The following IL1RAPL1 variants were observed in gnomAD, a reference collection of about 807,000 sequenced individuals.
IL1RAPL1 encodes the protein interleukin 1 receptor accessory protein like 1.
Under a neutral mutation model 48.4 loss-of-function variants are expected in IL1RAPL1, and 3 were observed. That is an observed-to-expected ratio of 0.06 (90% confidence interval 0.03 to 0.16). The LOEUF (loss-of-function observed/expected upper bound fraction) is 0.16, where lower values mean the gene tolerates loss of function less well. IL1RAPL1 is among the 10% of genes least tolerant of loss of function. The pLI, the probability that IL1RAPL1 is intolerant of heterozygous loss-of-function variation, is 1.00. For missense variants in IL1RAPL1, 349 were observed against 530.6 expected, an observed-to-expected ratio of 0.66 and a Z score of 3.36; for synonymous variants, 185 against 187.7, an observed-to-expected ratio of 0.99 and a Z score of 0.12.
At chrX:28,679,143 G>T (rs1372091001) in intron 1 of IL1RAPL1, among the ~76,000 whole-genome samples, 6 of 111,963 alleles carry the variant, frequency 5.4e-5, no homozygotes, top group Non-Finnish European at 9.4e-5. Flanking sequence ...ACAAGTGTGA[G>T]GTGATATCTC....
At chrX:29,559,555 G>A (rs757851356) in intron 5 of IL1RAPL1, among the ~76,000 whole-genome samples, 2 of 111,417 alleles carry the variant, frequency 1.8e-5, no homozygotes, top group Non-Finnish European at 1.9e-5. Flanking sequence ...TTCAGTCTTG[G>A]TAGGCTATAT....
intron 9 of IL1RAPL1, 55 bp downstream of exon 9, chrX:29,941,849 CT>C: frequency 8.9e-7 from 1 of 1,126,455 alleles, no homozygotes; most frequent in Non-Finnish European, 1.2e-6. Flanking sequence ...TCTTTCTTGT[CT>C]TTGTTTTATT....
At chrX:29,684,570 G>T (rs1461355289) in intron 6 of IL1RAPL1, among the ~76,000 whole-genome samples, 9 of 111,374 alleles carry the variant, frequency 8.1e-5, no homozygotes, top group African/African-American at 2.9e-4. Context: ...TCTTGAATCT[G>T]CTTCTGTTCA....
intron 2 of IL1RAPL1, among the ~76,000 whole-genome samples, chrX:28,794,358 C>T (rs961743430): frequency 3.6e-5 from 4 of 111,185 alleles, no homozygotes; most frequent in Non-Finnish European, 7.6e-5. Flanking sequence ...TGTCATTGTG[C>T]AGAATTTTGA....
At chrX:28,766,001 T>C (rs1457317531) in intron 1 of IL1RAPL1, among the ~76,000 whole-genome samples, 1 of 111,775 alleles carries the variant, frequency 8.9e-6, no homozygotes, top group Non-Finnish European at 1.9e-5. Flanking sequence ...ACCACCAAAG[T>C]GTAGCATGTC....
intron 3 of IL1RAPL1, among the ~76,000 whole-genome samples, chrX:29,290,732 C>T (rs1469593372): frequency 9.0e-6 from 1 of 111,634 alleles, no homozygotes; most frequent in Non-Finnish European, 1.9e-5. Context: ...ACAGGGTTGG[C>T]TGAGCCTGTT....
In IL1RAPL1 at chrX:28,997,382, T is replaced by A. The variant is rs146122544; in HGVS notation, c.82+207957T>A. 8.7e-3 allele frequency among the ~76,000 whole-genome samples: 971 copies of A among 111,758 alleles called. 13 individuals carry two copies. Among genetic ancestry groups the A allele is most frequent in the African/African-American group, 0.03 (916 of 30,763 alleles). ...TAGTAAGATAACTCTATGTTGGTGA[T>A]ATTCAGTGTATAGTTTTCCAGAGCT... On this transcript the variant is annotated intron_variant, in intron 2 of 10. Coordinates refer to ENST00000378993, the MANE Select transcript of IL1RAPL1 (RefSeq NM_014271.4).
chrX:29,802,799 A>ATGTATACATGTATG (rs1569172778), intron 6 of IL1RAPL1, among the ~76,000 whole-genome samples: 1 of 48,222 alleles, frequency 2.1e-5, no homozygotes, highest in Non-Finnish European at 3.4e-5. Context: ...GTGTATATAT[A>ATGTATACATGTATG]TATATATATA....
chrX:29,379,324 A>C (rs1011390494), intron 3 of IL1RAPL1, among the ~76,000 whole-genome samples: 3 of 112,210 alleles, frequency 2.7e-5, no homozygotes, highest in African/African-American at 9.7e-5. Context: ...TGCGAAGTAG[A>C]CATACCCTAG....
intron 2 of IL1RAPL1, among the ~76,000 whole-genome samples, chrX:28,941,371 G>A (rs1413183118): frequency 9.0e-6 from 1 of 110,898 alleles, no homozygotes; most frequent in Non-Finnish European, 1.9e-5. Flanking sequence ...TGGATGAAAT[G>A]GGTAAATAAA....
intron 2 of IL1RAPL1, among the ~76,000 whole-genome samples, chrX:28,830,707 A>G (rs1484420532): frequency 9.1e-6 from 1 of 110,158 alleles, no homozygotes; most frequent in Non-Finnish European, 1.9e-5. Flanking sequence ...ATACTTTTCT[A>G]TTTTGTGTGT....
At chrX:29,119,563 T>A (rs1387407931) in intron 2 of IL1RAPL1, among the ~76,000 whole-genome samples, 1 of 111,658 alleles carries the variant, frequency 9.0e-6, no homozygotes, top group African/African-American at 3.3e-5. Context: ...CAGAAACAGA[T>A]TGATGGATAC....
In IL1RAPL1 at chrX:29,560,391, C is replaced by T. The variant is rs183941301; in HGVS notation, c.704-108039C>T. The stretch of plus-strand genomic sequence containing the variant: ...GTTTTTGTATTTGTGTACTTTTGAG[C>T]TTCATGAATCTAAATATCTATATCT... On this transcript the variant is annotated intron_variant, in intron 5 of 10. Coordinates refer to ENST00000378993, the MANE Select transcript of IL1RAPL1 (RefSeq NM_014271.4). Among the ~76,000 whole-genome samples, 5 of 111,653 alleles carry T rather than the reference C, an allele frequency of 4.5e-5. No individual in the cohort carries two copies. In the South Asian group the frequency reaches 1.5e-3, roughly 33 times the overall value.
At chrX:28,724,603 T>C (rs774898913) in intron 1 of IL1RAPL1, among the ~76,000 whole-genome samples, 2 of 111,311 alleles carry the variant, frequency 1.8e-5, no homozygotes, top group East Asian at 2.8e-4. Flanking sequence ...ACATTTAAGG[T>C]TAATATTGTT....
rs548953727 is a variant in IL1RAPL1, at chrX:29,786,789, A to G, written c.778+118285A>G. On this transcript the variant is annotated intron_variant, in intron 6 of 10. Coordinates refer to ENST00000378993, the MANE Select transcript of IL1RAPL1 (RefSeq NM_014271.4). ...AGGGAAGTGGACAGTTTCAAAATAC[A>G]TTTTGGAGGTAGACGTGGAAGGACT... 7.2e-5 allele frequency among the ~76,000 whole-genome samples: 8 copies of G among 111,546 alleles called. No homozygotes were observed. The South Asian group carries it at 3.0e-3, about 43-fold the overall frequency.
At chrX:28,932,209 C>G (rs1182098023) in intron 2 of IL1RAPL1, among the ~76,000 whole-genome samples, 1 of 110,646 alleles carries the variant, frequency 9.0e-6, no homozygotes, top group East Asian at 2.8e-4. Context: ...GTTCTACTTA[C>G]ATTCAGTGTG....
At chrX:29,277,055 G>C (rs1932130921) in intron 2 of IL1RAPL1, among the ~76,000 whole-genome samples, 1 of 111,787 alleles carries the variant, frequency 8.9e-6, no homozygotes, top group South Asian at 3.7e-4. Flanking sequence ...AAGAACATAG[G>C]GTAACTAAAT....
chrX:29,507,537 AG>A lies in IL1RAPL1; in HGVS notation c.703+108232del, dbSNP rs1443928039. Among the ~76,000 whole-genome samples the A allele has an allele frequency of 8.4e-5, 8 of 95,233 alleles. No homozygotes were observed. In the East Asian group the frequency reaches 2.7e-3, roughly 32 times the overall value. The allele number at this position is 95,233 out of a possible 115,157, so 82.7% of individuals were successfully genotyped here. ...CTCCCATCTCAGTCTCCCAAGTATC[AG>A]GGACTAAAATCGTCTCTACAATTAA... On this transcript the variant is annotated intron_variant, in intron 5 of 10. Coordinates refer to ENST00000378993, the MANE Select transcript of IL1RAPL1 (RefSeq NM_014271.4).
At chrX:29,188,672 C>T (rs185984495) in intron 2 of IL1RAPL1, among the ~76,000 whole-genome samples, 329 of 106,053 alleles carry the variant, frequency 3.1e-3, no homozygotes, top group Non-Finnish European at 5.2e-3. Context: ...CTGCAACCTC[C>T]GCCTCCTGGG....
Sources: gnomAD v4.1 joint callset for allele counts (sites outside exome capture counted in the v4.1 genomes callset) on GRCh38, gnomAD v4.1.1 for gene constraint, MANE v1.5 for transcripts, NCBI Gene and HGNC (gene_info 2026-07-23, HGNC 2026-07-21) for gene names.